Variants in FAF1 observed in about 807,000 individuals in gnomAD.
FAF1 encodes Fas associated factor 1, also known as FAS-associated factor 1.
FAF1 carries 25 observed loss-of-function variants against 92.5 expected under a neutral mutation model. The observed-to-expected ratio is 0.27, with a 90% CI of 0.20 to 0.38. The LOEUF (loss-of-function observed/expected upper bound fraction) is 0.38, where lower values mean the gene tolerates loss of function less well. FAF1 is among the 10% of genes least tolerant of loss of function. The pLI is 1.00. For synonymous variants in FAF1, 234 were observed against 273.2 expected (o/e 0.86, Z 1.42); for missense variants, 636 against 793.3 (o/e 0.80, Z 2.38).
intron 18 of FAF1, among the ~76,000 whole-genome samples, chr1:50,445,166 C>T (rs1646213866): frequency 6.6e-6 from 1 of 152,058 alleles, no homozygotes; most frequent in Non-Finnish European, 1.5e-5. Flanking sequence ...ATTTCTAAGA[C>T]TTTGGTGCAC....
intron 15 of FAF1, among the ~76,000 whole-genome samples, chr1:50,523,897 G>C (rs1342267070): frequency 6.6e-6 from 1 of 152,080 alleles, no homozygotes; most frequent in Non-Finnish European, 1.5e-5. Flanking sequence ...TATTCCTTTG[G>C]GTAAATACCC....
chr1:50,846,468 C>T (rs891646719), intron 2 of FAF1: 4 of 469,390 alleles, frequency 8.5e-6, no homozygotes, highest in Non-Finnish European at 1.7e-5. Context: ...AGCCTCCAGG[C>T]ATGCCCCGCT....
At chr1:50,739,424 G>C (rs1380056380) in intron 5 of FAF1, among the ~76,000 whole-genome samples, 2 of 151,748 alleles carry the variant, frequency 1.3e-5, no homozygotes, top group Non-Finnish European at 2.9e-5. Context: ...GTGAGTGTAT[G>C]TGTATGTGTG....
At chr1:50,458,646 T>C (rs1005027838) in intron 18 of FAF1, among the ~76,000 whole-genome samples, 2 of 152,244 alleles carry the variant, frequency 1.3e-5, no homozygotes, top group Non-Finnish European at 2.9e-5. Context: ...GTCAGACGCA[T>C]ACAATGATGG....
chr1:50,815,056 C>T (rs967691641), intron 2 of FAF1, among the ~76,000 whole-genome samples: 1 of 152,154 alleles, frequency 6.6e-6, no homozygotes, highest in Admixed American at 6.5e-5. Flanking sequence ...AAAGCAGTCT[C>T]TTAAAAAGAT....
chr1:50,472,534 T>G (rs12136505), intron 18 of FAF1, among the ~76,000 whole-genome samples: 313 of 152,240 alleles, frequency 2.1e-3, no homozygotes, highest in Non-Finnish European at 3.2e-3. Context: ...CAGGGAATTA[T>G]GCTCAGCAGA....
intron 8 of FAF1, among the ~76,000 whole-genome samples, chr1:50,650,969 C>T (rs1393363024): frequency 6.6e-6 from 1 of 152,108 alleles, no homozygotes; most frequent in African/African-American, 2.4e-5. Context: ...TATCCCACAC[C>T]CTATTCGAGT....
At chr1:50,628,961 T>G (rs576315159) in intron 8 of FAF1, among the ~76,000 whole-genome samples, 4 of 152,322 alleles carry the variant, frequency 2.6e-5, no homozygotes, top group Admixed American at 2.0e-4. Flanking sequence ...TCAATATAAT[T>G]CAGTTTGCTC....
In FAF1 at chr1:50,885,921, A is replaced by C. The variant is rs552016828; in HGVS notation, c.46-27924T>G. 3.3e-5 allele frequency among the ~76,000 whole-genome samples: 5 copies of C among 152,302 alleles called. No homozygotes were observed. In the South Asian group the frequency reaches 1.0e-3, roughly 32 times the overall value. On this transcript the variant is annotated intron_variant, in intron 1 of 18. Coordinates refer to ENST00000396153, the MANE Select transcript of FAF1 (RefSeq NM_007051.3). Reference sequence around the variant, plus strand: ...TCTTATAACCCATTATCTTAAGCGGATAACAACTTGAAACTGTTTACATAA... The same window carrying C: ...TCTTATAACCCATTATCTTAAGCGGCTAACAACTTGAAACTGTTTACATAA...
intron 8 of FAF1, among the ~76,000 whole-genome samples, chr1:50,609,977 ATACTC>A (rs1386670169): frequency 1.3e-5 from 2 of 152,172 alleles, no homozygotes; most frequent in Non-Finnish European, 2.9e-5. Context: ...TAACTTTTCT[ATACTC>A]TACTCAGGTC....
intron 18 of FAF1, among the ~76,000 whole-genome samples, chr1:50,454,302 A>G (rs1291729540): frequency 6.6e-6 from 1 of 152,086 alleles, no homozygotes; most frequent in African/African-American, 2.4e-5. Context: ...AACCTTTGCT[A>G]TGTTGTTTCC....
intron 13 of FAF1, among the ~76,000 whole-genome samples, chr1:50,561,847 AC>A (rs1349481710): frequency 4.2e-4 from 62 of 146,426 alleles, no homozygotes; most frequent in Middle Eastern, 7.0e-3. Flanking sequence ...GGACGGATGG[AC>A]GGAAGGAAGG....
intron 1 of FAF1, among the ~76,000 whole-genome samples, chr1:50,915,621 T>C (rs957981723): frequency 4.6e-5 from 7 of 151,560 alleles, no homozygotes; most frequent in African/African-American, 1.7e-4. Flanking sequence ...GGGCTGAAAA[T>C]AGGAGATTTT....
At chr1:50,910,188 C>A (rs111684735) in intron 1 of FAF1, among the ~76,000 whole-genome samples, 2 of 152,314 alleles carry the variant, frequency 1.3e-5, no homozygotes, top group African/African-American at 4.8e-5. Context: ...GCAGAGGCAG[C>A]AGAAAAGCAA....
intron 18 of FAF1, among the ~76,000 whole-genome samples, chr1:50,454,423 C>G (rs1646328718): frequency 6.6e-6 from 1 of 152,178 alleles, no homozygotes. Context: ...GTGACAGAGC[C>G]TAAATTAATC....
intron 1 of FAF1, among the ~76,000 whole-genome samples, chr1:50,914,547 T>A (rs1331032714): frequency 6.6e-6 from 1 of 152,242 alleles, no homozygotes; most frequent in African/African-American, 2.4e-5. Flanking sequence ...ATGACAGACT[T>A]TATGCCTTTA....
In FAF1 at chr1:50,716,865, C is replaced by T. The variant is rs112832934; in HGVS notation, c.552-10974G>A. 2.8e-3 allele frequency among the ~76,000 whole-genome samples: 425 copies of T among 152,278 alleles called. 4 individuals carry two copies. The highest frequency in any genetic ancestry group is 9.7e-3 in the African/African-American group (403 of 41,544). ...GCCAGCAGTGGCGACCCACTCGGGT[C>T]CCCTTCCACGCTGTGGAAGCTTTGC... is the stretch of plus-strand genomic sequence containing the variant. On this transcript the variant is annotated intron_variant, in intron 6 of 18. Coordinates refer to ENST00000396153, the MANE Select transcript of FAF1 (RefSeq NM_007051.3).
intron 6 of FAF1, among the ~76,000 whole-genome samples, chr1:50,721,403 C>T (rs745956575): frequency 6.6e-6 from 1 of 151,730 alleles, no homozygotes; most frequent in Non-Finnish European, 1.5e-5. Flanking sequence ...TTAGTAGAGA[C>T]GGGGTTTCAC....
At chr1:50,946,092 C>CA (rs1645170743) in intron 1 of FAF1, among the ~76,000 whole-genome samples, 1 of 152,242 alleles carries the variant, frequency 6.6e-6, no homozygotes, top group Non-Finnish European at 1.5e-5. Flanking sequence ...AGCCATAAGA[C>CA]ATTATGCACT....
Sources: allele counts gnomAD v4.1 joint callset (sites outside exome capture counted in the v4.1 genomes callset), GRCh38; gene constraint gnomAD v4.1.1; transcripts MANE v1.5; gene names NCBI Gene and HGNC (gene_info 2026-07-23, HGNC 2026-07-21).